Variants in TRAK1 observed in about 807,000 individuals in gnomAD.
TRAK1 encodes the protein trafficking kinesin protein 1, also known as trafficking kinesin-binding protein 1.
In TRAK1, 33 loss-of-function variants were observed where a neutral mutation model predicts 92.1. The ratio of observed to expected loss-of-function variants is 0.36; its 90% CI spans 0.27 to 0.48. TRAK1 has a LOEUF of 0.48. TRAK1 is among the 20% of genes least tolerant of loss of function. The pLI is 0.99. For synonymous variants in TRAK1, 521 were observed against 517.3 expected, an observed-to-expected ratio of 1.01 and a Z score of -0.10; for missense variants, 1,123 against 1,257.9, an observed-to-expected ratio of 0.89 and a Z score of 1.62.
At chr3:42,151,264 A>G (rs1699915418) in intron 2 of TRAK1, 2 of 441,902 alleles carry the variant, frequency 4.5e-6, no homozygotes, top group Non-Finnish European at 9.0e-6. Flanking sequence ...GTCGCTTGCC[A>G]TGGTCAATCT....
intron 1 of TRAK1, among the ~76,000 whole-genome samples, chr3:42,029,549 ATTTTTTT>A (rs58539922): frequency 7.3e-6 from 1 of 136,428 alleles, no homozygotes; most frequent in Middle Eastern, 3.8e-3. Context: ...GCCTGATAGA[ATTTTTTT>A]TTTTTTTTTT....
chr3:42,134,354 T>C (rs891885573), intron 2 of TRAK1, among the ~76,000 whole-genome samples: 1 of 151,456 alleles, frequency 6.6e-6, no homozygotes, highest in Non-Finnish European at 1.5e-5. Context: ...CACAGCTCAC[T>C]GCAGCCTTGA....
At chr3:42,165,897 C>T (rs1279286184) in intron 2 of TRAK1, among the ~76,000 whole-genome samples, 1 of 152,084 alleles carries the variant, frequency 6.6e-6, no homozygotes, top group African/African-American at 2.4e-5. Flanking sequence ...GTACCAGCAT[C>T]ACCCCAAGGC....
intron 15 of TRAK1, among the ~76,000 whole-genome samples, chr3:42,220,072 CTGT>C: frequency 6.6e-6 from 1 of 152,086 alleles, no homozygotes; most frequent in East Asian, 1.9e-4. Flanking sequence ...TGGCTAAAGT[CTGT>C]TGGATTTTTT....
chr3:42,162,326 G>C (rs927453424), intron 2 of TRAK1, among the ~76,000 whole-genome samples: 9 of 151,576 alleles, frequency 5.9e-5, no homozygotes, highest in African/African-American at 1.9e-4. Flanking sequence ...TATGACGAGA[G>C]AGAGACCCTC....
At chr3:42,109,969 G>C (rs1412389125) in intron 1 of TRAK1, among the ~76,000 whole-genome samples, 2 of 151,504 alleles carry the variant, frequency 1.3e-5, no homozygotes, top group South Asian at 2.1e-4. Context: ...GGGGTGGCGG[G>C]GGGGATGGCA....
intron 1 of TRAK1, among the ~76,000 whole-genome samples, chr3:42,065,810 T>A (rs1046796521): frequency 6.6e-6 from 1 of 151,774 alleles, no homozygotes; most frequent in African/African-American, 2.4e-5. Context: ...TTAATTTTTT[T>A]ATAGAAATGG....
intron 1 of TRAK1, among the ~76,000 whole-genome samples, chr3:42,022,794 C>A (rs148582233): frequency 3.3e-5 from 5 of 151,536 alleles, no homozygotes; most frequent in Admixed American, 2.0e-4. Context: ...TGTTAACTTG[C>A]AAAACTTTTA....
intron 2 of TRAK1, among the ~76,000 whole-genome samples, chr3:42,171,184 T>C (rs902582812): frequency 1.3e-5 from 2 of 151,692 alleles, no homozygotes; most frequent in African/African-American, 2.4e-5. Context: ...GTTTGGGAGG[T>C]TTTTCTTTTT....
At chr3:42,213,053 G>T (rs1709258083) in intron 14 of TRAK1, among the ~76,000 whole-genome samples, 1 of 115,914 alleles carries the variant, frequency 8.6e-6, no homozygotes, top group East Asian at 3.1e-4. Context: ...TTGGAGCTGA[G>T]ATTTTTTTTT....
At chr3:42,065,533 G>A (rs770588362) in intron 1 of TRAK1, among the ~76,000 whole-genome samples, 2 of 151,914 alleles carry the variant, frequency 1.3e-5, no homozygotes, top group Middle Eastern at 3.2e-3. Context: ...ATTATGTTGC[G>A]TAAAGGCTAT....
intron 1 of TRAK1, among the ~76,000 whole-genome samples, chr3:42,037,143 T>C (rs1002053510): frequency 2.6e-5 from 4 of 152,178 alleles, no homozygotes; most frequent in Admixed American, 2.6e-4. Context: ...CCTGGCCAAG[T>C]GCAGTAGATA....
intron 1 of TRAK1, among the ~76,000 whole-genome samples, chr3:42,070,401 C>T (rs1703885552): frequency 6.7e-6 from 1 of 149,444 alleles, no homozygotes; most frequent in Non-Finnish European, 1.5e-5. Flanking sequence ...ATTTTTTTTC[C>T]TGAAAACTTT....
intron 1 of TRAK1, among the ~76,000 whole-genome samples, chr3:42,100,542 CATT>C (rs1300953599): frequency 1.3e-5 from 2 of 152,174 alleles, no homozygotes; most frequent in Non-Finnish European, 2.9e-5. Flanking sequence ...GGGACGGTGT[CATT>C]ATAGCCAAGT....
At chr3:42,077,861 G>A (rs1389914057) in intron 1 of TRAK1, among the ~76,000 whole-genome samples, 1 of 152,168 alleles carries the variant, frequency 6.6e-6, no homozygotes, top group African/African-American at 2.4e-5. Context: ...GAGACTGTGG[G>A]GTGTTCTAAG....
intron 1 of TRAK1, among the ~76,000 whole-genome samples, chr3:42,031,033 ATTTTT>A (rs569209653): frequency 1.0e-5 from 1 of 95,436 alleles, no homozygotes; most frequent in Non-Finnish European, 2.3e-5. Flanking sequence ...AGCTATTTGA[ATTTTT>A]TTTTTTTTTT....
chr3:42,202,833 C>A lies in TRAK1; in HGVS notation c.1744+81C>A, dbSNP rs1169375475. 5 of 1,570,788 alleles carry A rather than the reference C, an allele frequency of 3.2e-6. No homozygotes were observed. The highest frequency in any genetic ancestry group is 2.7e-5 in the African/African-American group (2 of 73,902). On this transcript the variant is annotated intron_variant, in intron 13 of 15. Coordinates refer to ENST00000327628, the MANE Select transcript of TRAK1 (RefSeq NM_001042646.3). The surrounding 1 kb of genome is among the most constrained non-coding windows in gnomAD (Gnocchi z 6.1). ...CCTGATCCACCTGCGGAAGGCGGGG[C>A]ACCTCTGTCACGCCTACTCCTTTTT...
intron 1 of TRAK1, among the ~76,000 whole-genome samples, chr3:42,056,934 C>T (rs1703227199): frequency 6.6e-6 from 1 of 152,156 alleles, no homozygotes; most frequent in Non-Finnish European, 1.5e-5. Context: ...AAGTAAAGTA[C>T]CAAAATTGCC....
chr3:42,013,328 C>CTGGAAGGACCCA (rs1264467773), upstream of TRAK1, among the ~76,000 whole-genome samples: 8 of 152,152 alleles, frequency 5.3e-5, no homozygotes, highest in African/African-American at 1.9e-4. This position sits in a 1 kb window ranked among gnomAD's most constrained non-coding sequence, Gnocchi z 5.1. Flanking sequence ...TCCCATCCTT[C>CTGGAAGGACCCA]TCTTAGACTG....
Sources: gnomAD v4.1 joint callset for allele counts (sites outside exome capture counted in the v4.1 genomes callset) on GRCh38, gnomAD v4.1.1 for gene constraint, Gnocchi (gnomAD v3.1) non-coding constraint, MANE v1.5 for transcripts, NCBI Gene and HGNC (gene_info 2026-07-23, HGNC 2026-07-21) for gene names.